The following EXOC6B variants were observed in gnomAD, a reference collection of about 807,000 sequenced individuals.
The protein encoded by EXOC6B is exocyst complex component 6B, also known as SEC15 homolog B.
EXOC6B carries 54 observed loss-of-function variants against 113.5 expected under a neutral mutation model. The observed-to-expected ratio is 0.48, with a 90% confidence interval of 0.38 to 0.60. The LOEUF (loss-of-function observed/expected upper bound fraction) is 0.60, where lower values mean the gene tolerates loss of function less well. EXOC6B is among the 20% of genes least tolerant of loss of function. EXOC6B has a pLI of 0.00. For synonymous variants in EXOC6B, 357 were observed against 339.0 expected (o/e 1.05, Z -0.58); for missense variants, 797 against 977.5 (o/e 0.82, Z 2.46).
intron 1 of EXOC6B, among the ~76,000 whole-genome samples, chr2:72,824,395 A>C (rs1249038858): frequency 1.3e-5 from 2 of 152,152 alleles, no homozygotes; most frequent in African/African-American, 4.8e-5. Flanking sequence ...CAATAAATGA[A>C]TATTAGGTTG....
At chr2:72,806,576 G>A (rs886996673) in intron 1 of EXOC6B, among the ~76,000 whole-genome samples, 6 of 152,192 alleles carry the variant, frequency 3.9e-5, no homozygotes, top group African/African-American at 1.4e-4. Flanking sequence ...TCAAATGTTA[G>A]CTCTGTTTTA....
chr2:72,279,731 A>G (rs1685015538), intron 20 of EXOC6B, among the ~76,000 whole-genome samples: 2 of 152,090 alleles, frequency 1.3e-5, no homozygotes, highest in South Asian at 4.1e-4. Flanking sequence ...CTCCCACCTC[A>G]GCCTCCCGAG....
intron 8 of EXOC6B, among the ~76,000 whole-genome samples, chr2:72,532,580 C>G (rs191831437): frequency 6.6e-6 from 1 of 152,022 alleles, no homozygotes; most frequent in Admixed American, 6.6e-5. Context: ...GAGGCCGAGG[C>G]GGGCGGATCA....
At chr2:72,771,899 A>G (rs1194231444) in intron 1 of EXOC6B, among the ~76,000 whole-genome samples, 1 of 152,182 alleles carries the variant, frequency 6.6e-6, no homozygotes, top group African/African-American at 2.4e-5. Context: ...AGTATGTGCT[A>G]TTTTAGATAT....
intron 6 of EXOC6B, among the ~76,000 whole-genome samples, chr2:72,620,453 T>A (rs1473371964): frequency 1.4e-5 from 2 of 147,890 alleles, no homozygotes; most frequent in African/African-American, 2.6e-5. Context: ...AAAATAAAAA[T>A]AAAAGAAATT....
chr2:72,801,784 G>T (rs568650821), intron 1 of EXOC6B, among the ~76,000 whole-genome samples: 13 of 152,262 alleles, frequency 8.5e-5, no homozygotes, highest in African/African-American at 3.1e-4. Context: ...GTCATTGACT[G>T]TCTTAAAGAA....
chr2:72,705,022 C>A (rs1678746611), intron 6 of EXOC6B, among the ~76,000 whole-genome samples: 1 of 151,708 alleles, frequency 6.6e-6, no homozygotes, highest in African/African-American at 2.4e-5. Context: ...AGAGACACAA[C>A]AAAAAAAGAG....
rs141442387 is a variant in EXOC6B at position 72,428,271 on chromosome 2, G to A, written c.1980+36889C>T. Among the ~76,000 whole-genome samples, 645 of 152,314 alleles carry A rather than the reference G, an allele frequency of 4.2e-3. 5 individuals carry two copies. Among genetic ancestry groups the A allele is most frequent in the African/African-American group, 0.014 (583 of 41,572 alleles). On this transcript the variant is annotated intron_variant, in intron 18 of 21. Transcript: ENST00000272427. ...TCGCCACGTTCCAGGCAAAGATAAG[G>A]AGACAAGAGCTGTGGCCCTTGGGGG...
At chr2:72,292,705 T>TA (rs1280526554) in intron 20 of EXOC6B, among the ~76,000 whole-genome samples, 2 of 152,176 alleles carry the variant, frequency 1.3e-5, no homozygotes, top group Admixed American at 1.3e-4. Context: ...TCTGCAACCC[T>TA]AACCTCTGGC....
intron 16 of EXOC6B, among the ~76,000 whole-genome samples, chr2:72,485,569 C>A (rs1363956043): frequency 6.6e-6 from 1 of 152,200 alleles, no homozygotes; most frequent in East Asian, 1.9e-4. Context: ...TCATTTTATA[C>A]CATCTCCATG....
At chr2:72,435,524 T>G (rs1029188404) in intron 18 of EXOC6B, among the ~76,000 whole-genome samples, 13 of 152,316 alleles carry the variant, frequency 8.5e-5, no homozygotes, top group Admixed American at 2.6e-4. Context: ...CTCCCACTAT[T>G]ATTGTGTGGG....
intron 18 of EXOC6B, among the ~76,000 whole-genome samples, chr2:72,413,441 A>G (rs1228610167): frequency 6.7e-6 from 1 of 149,492 alleles, no homozygotes; most frequent in Non-Finnish European, 1.5e-5. Flanking sequence ...TAATCCCAAC[A>G]CTTTGGGAGG....
chr2:72,730,946 C>G, intron 5 of EXOC6B, 61 bp downstream of exon 5: 1 of 1,199,114 alleles, frequency 8.3e-7, no homozygotes, highest in Non-Finnish European at 1.2e-6. Flanking sequence ...TGGACCTAAA[C>G]GTATTCTAAA....
At chr2:72,546,693 G>A (rs1288391157) in intron 8 of EXOC6B, among the ~76,000 whole-genome samples, 3 of 152,316 alleles carry the variant, frequency 2.0e-5, no homozygotes, top group South Asian at 2.1e-4. Flanking sequence ...TTTAACTGGT[G>A]AGGCTAACTT....
chr2:72,712,601 C>G (rs574244446), intron 6 of EXOC6B, among the ~76,000 whole-genome samples: 5 of 152,286 alleles, frequency 3.3e-5, no homozygotes, highest in Admixed American at 6.5e-5. Context: ...TGCCATGTGG[C>G]CTTCTCCAAA....
At chr2:72,409,754 T>C (rs1467866425) in intron 18 of EXOC6B, among the ~76,000 whole-genome samples, 1 of 151,542 alleles carries the variant, frequency 6.6e-6, no homozygotes, top group African/African-American at 2.4e-5. Context: ...CATTAGGAGA[T>C]ATACCTAATG....
intron 6 of EXOC6B, among the ~76,000 whole-genome samples, chr2:72,586,447 CA>C (rs1421754508): frequency 6.6e-6 from 1 of 151,928 alleles, no homozygotes; most frequent in African/African-American, 2.4e-5. Context: ...AGGCACTTCT[CA>C]AAAAAAGACA....
chr2:72,293,974 A>G (rs1685966273), intron 20 of EXOC6B, among the ~76,000 whole-genome samples: 1 of 152,132 alleles, frequency 6.6e-6, no homozygotes, highest in Non-Finnish European at 1.5e-5. Flanking sequence ...TAAGACAGAA[A>G]CCAGAGGAAA....
At chr2:72,551,531 G>T (rs10208778) in intron 8 of EXOC6B, among the ~76,000 whole-genome samples, 122,733 of 142,192 alleles carry the variant, frequency 0.86, 52,974 homozygotes, top group East Asian at 0.99. Context: ...TTGAGACGGA[G>T]TCTCGCTCTG....
Sources: allele counts gnomAD v4.1 joint callset (sites outside exome capture counted in the v4.1 genomes callset), GRCh38; gene constraint gnomAD v4.1.1; transcripts MANE v1.5; gene names NCBI Gene and HGNC (gene_info 2026-07-23, HGNC 2026-07-21).